Variants in LAP3 observed in about 807,000 individuals in gnomAD.
The protein encoded by LAP3 is cytosol aminopeptidase.
In LAP3, 46 loss-of-function variants were observed where a neutral mutation model predicts 58.8. The observed-to-expected ratio is 0.78, with a 90% CI of 0.62 to 1.00. The LOEUF (loss-of-function observed/expected upper bound fraction) is 1.00. Among genes scored for constraint, LAP3 ranks in the 50% least tolerant of loss-of-function variants. LAP3 has a pLI of 0.00. For missense variants in LAP3, 615 were observed against 659.1 expected, an observed-to-expected ratio of 0.93 and a Z score of 0.73; for synonymous variants, 257 against 237.7, an observed-to-expected ratio of 1.08 and a Z score of -0.75.
intron 9 of LAP3, among the ~76,000 whole-genome samples, chr4:17,597,707 CCTGCAGAGGG>C (rs1213710021): frequency 6.6e-6 from 1 of 152,212 alleles, no homozygotes; most frequent in Non-Finnish European, 1.5e-5. Context: ...TGCTGCCAGC[CCTGCAGAGGG>C]CGGCAAAGCA....
intron 11 of LAP3, among the ~76,000 whole-genome samples, chr4:17,606,406 T>C (rs1714141322): frequency 6.6e-6 from 1 of 152,164 alleles, no homozygotes; most frequent in Admixed American, 6.5e-5. Context: ...TGGCACTCCG[T>C]TGGCTCCCTG....
At chr4:17,593,777 T>TA (rs1713762328) in intron 7 of LAP3, among the ~76,000 whole-genome samples, 2 of 151,846 alleles carry the variant, frequency 1.3e-5, no homozygotes, top group Admixed American at 1.3e-4. Context: ...TATGCCCAGC[T>TA]AATTTTTGTA....
At chr4:17,603,805 C>T (rs1200462522) in intron 10 of LAP3, among the ~76,000 whole-genome samples, 2 of 145,032 alleles carry the variant, frequency 1.4e-5, no homozygotes, top group Admixed American at 7.3e-5. Context: ...TGAGGCATTG[C>T]GCCTGGCCTT....
Position 17,582,318 on chromosome 4 carries a change from G to A in LAP3, c.304G>A (p.Gly102Ser), listed in dbSNP as rs754089098. ...CCCCAGCGTGGTGCTAGTTGGCCTC[G>A]GCAAAAAGGCAGCTGGAATCGACGA... ...DFPSVVLVGL[G>S]KKAAGIDEQE... Residue 102 changes from glycine to serine, a missense_variant, in exon 4 of 13, where the codon GGC becomes AGC. Transcript: ENST00000226299. The A allele has an allele frequency of 3.5e-5, 57 of 1,613,972 alleles. No homozygotes were observed. Among genetic ancestry groups the A allele is most frequent in the East Asian group, 4.5e-5 (2 of 44,900 alleles).
At chr4:17,596,298 T>TA (rs1713828207) in intron 8 of LAP3, among the ~76,000 whole-genome samples, 1 of 152,178 alleles carries the variant, frequency 6.6e-6, no homozygotes, top group African/African-American at 2.4e-5. Context: ...TCCAGTTGTG[T>TA]AAAAAATGTC....
At chr4:17,582,008 A>G in intron 3 of LAP3, 194 bp downstream of exon 3, 3 of 601,606 alleles carry the variant, frequency 5.0e-6, no homozygotes, top group South Asian at 4.3e-5. Context: ...CTCAATCTGA[A>G]GGCTTTCTTT....
rs1420862603 is a variant in LAP3, at chr4:17,585,003, C to T, written c.571C>T (p.Leu191=). The part of the protein sequence containing the change: ...GDQEAWQKGV[L]FASGQNLARQ... ...TCAGGAGGCCTGGCAGAAAGGAGTC[C>T]TGTTTGCTTCTGGGCAGAACTTGGC... The change falls in exon 6 of 13, where the codon CTG becomes TTG. Residue 191 remains leucine (L), a synonymous_variant. Coordinates refer to ENST00000226299, the MANE Select transcript of LAP3 (RefSeq NM_015907.3). The T allele has an allele frequency of 1.2e-6, 2 of 1,614,070 alleles. No individual in the cohort carries two copies. Among genetic ancestry groups the T allele is most frequent in the Non-Finnish European group, 1.7e-6 (2 of 1,179,986 alleles).
chr4:17,587,103 C>T (rs1560343433), intron 6 of LAP3, among the ~76,000 whole-genome samples: 1 of 152,074 alleles, frequency 6.6e-6, no homozygotes, highest in Non-Finnish European at 1.5e-5. Flanking sequence ...GACACTGTGT[C>T]TCAAAAAAAG....
chr4:17,604,385 A>C (rs1197255691), intron 10 of LAP3, among the ~76,000 whole-genome samples: 2 of 150,982 alleles, frequency 1.3e-5, no homozygotes, highest in Non-Finnish European at 3.0e-5. Flanking sequence ...CCTTTTTTGC[A>C]TTTCCTAATA....
rs1328763642 is a variant in LAP3 at position 17,577,441 on chromosome 4, C to T, written c.-25C>T. On this transcript the variant is annotated 5_prime_UTR_variant, in exon 1 of 13. Coordinates refer to ENST00000226299, the MANE Select transcript of LAP3 (RefSeq NM_015907.3). ...CGCTCTCCACGTGCTCGCTGGAGGG[C>T]GGTGCGAGGGGCCGAGCCGACAAGA... is the stretch of plus-strand genomic sequence containing the variant. The T allele has an allele frequency of 1.3e-6, 2 of 1,518,430 alleles. No homozygotes were observed. Among genetic ancestry groups the T allele is most frequent in the Non-Finnish European group, 1.8e-6 (2 of 1,128,040 alleles). 94.1% of individuals were successfully genotyped at this position (1,518,430 alleles called of 1,614,324 possible).
Position 17,577,383 on chromosome 4 carries a change from C to G in LAP3, c.-83C>G. 9.1e-7 allele frequency: 1 copy of G among 1,102,526 alleles called. No individual in the cohort carries two copies. Among genetic ancestry groups the G allele is most frequent in the Non-Finnish European group, 1.2e-6 (1 of 812,320 alleles). 68.3% of individuals were successfully genotyped at this position (1,102,526 alleles called of 1,614,324 possible). A position where few individuals can be genotyped will look rare whatever the true frequency, so the allele number is the denominator to read the frequency against. The stretch of plus-strand genomic sequence containing the variant: ...AGTCCGCGCGCACGCCGTCTGCGCC[C>G]CGAAAGCCCCGCCCCAAGGCGCGCC... On this transcript the variant is annotated 5_prime_UTR_variant, in exon 1 of 13. Coordinates refer to ENST00000226299, the MANE Select transcript of LAP3 (RefSeq NM_015907.3).
chr4:17,605,147 CA>C (rs1241974022), intron 11 of LAP3, among the ~76,000 whole-genome samples: 1,721 of 151,248 alleles, frequency 0.011, 33 homozygotes, highest in African/African-American at 0.039. Flanking sequence ...CACACACACA[CA>C]CCCTCACTTA....
At chr4:17,578,350 G>A (rs1713267676) in intron 1 of LAP3, among the ~76,000 whole-genome samples, 1 of 152,230 alleles carries the variant, frequency 6.6e-6, no homozygotes, top group East Asian at 1.9e-4. Context: ...GATAACAGTT[G>A]CTCAGTTGGC....
rs575601157 is a variant in LAP3 at position 17,589,464 on chromosome 4, A to G, written c.863+487A>G. 2.6e-5 allele frequency among the ~76,000 whole-genome samples: 4 copies of G among 152,272 alleles called. No individual in the cohort carries two copies. The South Asian group carries it at 8.3e-4, about 32-fold the overall frequency. ...AAATGCTTAGAATATGTCAGAGACT[A>G]TCAGGTATTTTGCATGTGTTAGCCC... is the stretch of plus-strand genomic sequence containing the variant. On this transcript the variant is annotated intron_variant, in intron 7 of 12. Coordinates refer to ENST00000226299, the MANE Select transcript of LAP3 (RefSeq NM_015907.3).
intron 5 of LAP3, among the ~76,000 whole-genome samples, chr4:17,583,865 C>A (rs2109018538): frequency 6.6e-6 from 1 of 152,350 alleles, no homozygotes; most frequent in South Asian, 2.1e-4. Flanking sequence ...CTGACCCCTC[C>A]CTGCTCTGAT....
chr4:17,587,988 T>C (rs1184057758), intron 6 of LAP3, among the ~76,000 whole-genome samples: 1 of 152,012 alleles, frequency 6.6e-6, no homozygotes, highest in African/African-American at 2.4e-5. Flanking sequence ...ATGGACCCCT[T>C]ACCTATCTTT....
chr4:17,593,631 A>G (rs1170073469), intron 7 of LAP3, among the ~76,000 whole-genome samples: 1 of 11,880 alleles, frequency 8.4e-5, no homozygotes, highest in South Asian at 1.7e-3. Context: ...TTTTTTTTTG[A>G]GACAGTGTCT....
intron 8 of LAP3, among the ~76,000 whole-genome samples, chr4:17,595,886 T>C (rs559404221): frequency 6.6e-6 from 1 of 152,230 alleles, no homozygotes; most frequent in East Asian, 1.9e-4. Flanking sequence ...TTCGTAGGAT[T>C]GTGGCCGGTG....
chr4:17,588,822 CAA>C lies in LAP3; in HGVS notation c.709_710del (p.Lys237ValfsTer4). ...SSKTEVHIRPKSWIEEQAMGS... is the reference protein window; with the variant it reads ...SSKTEVHIRPXSWIEEQAMGS... The stretch of plus-strand genomic sequence containing the variant: ...TTTCCCTCTTTCTACCCTATAGACC[CAA>C]GTCTTGGATTGAGGAACAGGCAATG... On this transcript the variant is annotated frameshift_variant, in exon 7 of 13. Coordinates refer to ENST00000226299, the MANE Select transcript of LAP3 (RefSeq NM_015907.3). LOFTEE classifies it high-confidence loss of function. 1.2e-6 allele frequency: 2 copies of C among 1,613,414 alleles called. No individual in the cohort carries two copies. The highest frequency in any genetic ancestry group is 1.7e-6 in the Non-Finnish European group (2 of 1,179,626).
Sources: allele counts gnomAD v4.1 joint callset (sites outside exome capture counted in the v4.1 genomes callset), GRCh38; gene constraint gnomAD v4.1.1; transcripts MANE v1.5; gene names NCBI Gene and HGNC (gene_info 2026-07-23, HGNC 2026-07-21).